The following IMPG1 variants were observed in gnomAD, a reference collection of about 807,000 sequenced individuals.
IMPG1 encodes interphotoreceptor matrix proteoglycan of 150 kDa.
A neutral mutation model predicts 92.0 loss-of-function variants in IMPG1; 85 were observed. The observed-to-expected ratio is 0.92, with a 90% CI of 0.78 to 1.11. The LOEUF (loss-of-function observed/expected upper bound fraction) is 1.11, where lower values mean the gene tolerates loss of function less well. IMPG1 is among the 50% of genes least tolerant of loss of function. The pLI is 0.00. For missense variants in IMPG1, 1,022 were observed against 956.0 expected, an observed-to-expected ratio of 1.07 and a Z score of -0.91; for synonymous variants, 367 against 334.1, an observed-to-expected ratio of 1.10 and a Z score of -1.08.
At chr6:76,016,479 G>C (rs537118258) in intron 7 of IMPG1, among the ~76,000 whole-genome samples, 1 of 152,354 alleles carries the variant, frequency 6.6e-6, no homozygotes, top group Admixed American at 6.5e-5. Flanking sequence ...CCATGTCTGA[G>C]TAGTTTTCTG....
intron 15 of IMPG1, among the ~76,000 whole-genome samples, chr6:75,928,025 A>ACTCTTTCTTT (rs1562336525): frequency 6.6e-6 from 1 of 152,126 alleles, no homozygotes. Context: ...CTCACTAAAG[A>ACTCTTTCTTT]AAGAGAAATG....
intron 12 of IMPG1, among the ~76,000 whole-genome samples, chr6:75,996,830 TGAATG>T (rs1459995419): frequency 6.6e-6 from 1 of 152,210 alleles, no homozygotes; most frequent in Admixed American, 6.5e-5. Flanking sequence ...ATATCATCTC[TGAATG>T]GTGATGAGGA....
intron 12 of IMPG1, among the ~76,000 whole-genome samples, chr6:75,979,072 C>A (rs1782585024): frequency 6.6e-6 from 1 of 152,046 alleles, no homozygotes; most frequent in African/African-American, 2.4e-5. Flanking sequence ...GCCACCATAC[C>A]TACCTATTTT....
chr6:75,945,980 C>A (rs1328442549), intron 14 of IMPG1, among the ~76,000 whole-genome samples: 1 of 152,174 alleles, frequency 6.6e-6, no homozygotes, highest in Non-Finnish European at 1.5e-5. Context: ...GGAAGGAAGA[C>A]AGGGGATTGT....
intron 1 of IMPG1, among the ~76,000 whole-genome samples, chr6:76,050,817 A>G (rs1784027943): frequency 6.6e-6 from 1 of 152,208 alleles, no homozygotes; most frequent in Non-Finnish European, 1.5e-5. Context: ...TTAACCTTGT[A>G]GGCATACAGA....
intron 12 of IMPG1, among the ~76,000 whole-genome samples, chr6:75,990,659 G>A (rs967768268): frequency 1.3e-5 from 2 of 151,404 alleles, no homozygotes; most frequent in Non-Finnish European, 2.9e-5. Context: ...CATATTTAAG[G>A]TCAGATGGAT....
At chr6:76,056,368 A>G (rs1452105483) in intron 1 of IMPG1, among the ~76,000 whole-genome samples, 1 of 152,174 alleles carries the variant, frequency 6.6e-6, no homozygotes, top group Non-Finnish European at 1.5e-5. Context: ...CTTCTTTACA[A>G]GAAGAAAACA....
chr6:76,043,526 G>A (rs1042074285), intron 1 of IMPG1, among the ~76,000 whole-genome samples: 1 of 152,100 alleles, frequency 6.6e-6, no homozygotes, highest in Non-Finnish European at 1.5e-5. Flanking sequence ...GAATCTCCAG[G>A]AAGGGAGGAA....
chr6:75,974,715 C>T (rs1277540930), intron 12 of IMPG1, among the ~76,000 whole-genome samples: 3 of 151,952 alleles, frequency 2.0e-5, no homozygotes, highest in African/African-American at 4.8e-5. Flanking sequence ...GGGGTTTCAC[C>T]ATGTTGGCCA....
chr6:76,049,041 C>G (rs1217327700), intron 1 of IMPG1, among the ~76,000 whole-genome samples: 1 of 152,172 alleles, frequency 6.6e-6, no homozygotes, highest in African/African-American at 2.4e-5. Flanking sequence ...AATTCATGTC[C>G]TTTGCAGGGA....
At chr6:76,023,946 T>G (rs1191321811) in intron 5 of IMPG1, among the ~76,000 whole-genome samples, 2 of 152,164 alleles carry the variant, frequency 1.3e-5, no homozygotes, top group Non-Finnish European at 2.9e-5. Context: ...AAAACGTCTT[T>G]TTACATGTTT....
chr6:75,924,486 AATATAATATAATT>A (rs1251549128), intron 15 of IMPG1, among the ~76,000 whole-genome samples: 1 of 92,496 alleles, frequency 1.1e-5, no homozygotes, highest in Non-Finnish European at 2.0e-5. Context: ...TATATATTAT[AATATAATATAATT>A]ATATAATATA....
intron 12 of IMPG1, among the ~76,000 whole-genome samples, chr6:75,969,731 A>AAAACAAACAAAC (rs56113426): frequency 5.3e-5 from 8 of 151,770 alleles, no homozygotes; most frequent in African/African-American, 1.9e-4. Flanking sequence ...TCCATCTCAA[A>AAAACAAACAAAC]AAACAAACAA....
chr6:75,983,702 G>A (rs1485508450), intron 12 of IMPG1, among the ~76,000 whole-genome samples: 2 of 152,070 alleles, frequency 1.3e-5, no homozygotes, highest in African/African-American at 4.8e-5. Context: ...AAAAGCACAG[G>A]CAGCAAAAGT....
Position 76,060,784 on chromosome 6 carries a change from G to A in IMPG1, c.67+11638C>T, listed in dbSNP as rs3822994. On this transcript the variant is annotated intron_variant, in intron 1 of 16. Coordinates refer to ENST00000369950, the MANE Select transcript of IMPG1 (RefSeq NM_001563.4). Reference sequence around the variant, plus strand: ...AGAGGTCTTTTCTACCCTTAAGCAAGAAGGGGCGGTGTGGATGGAGACCTC... The same window carrying A: ...AGAGGTCTTTTCTACCCTTAAGCAAAAAGGGGCGGTGTGGATGGAGACCTC... Among the ~76,000 whole-genome samples, 948 of 152,240 alleles carry A rather than the reference G, an allele frequency of 6.2e-3. 32 individuals carry two copies. In the East Asian group the frequency reaches 0.07, roughly 11 times the overall value.
chr6:76,013,776 G>A (rs1346424881), intron 7 of IMPG1, among the ~76,000 whole-genome samples: 1 of 152,152 alleles, frequency 6.6e-6, no homozygotes, highest in Admixed American at 6.5e-5. Context: ...ATTCCACTGT[G>A]TTGTCACCAC....
At chr6:75,940,578 G>T (rs1562340959) in intron 14 of IMPG1, among the ~76,000 whole-genome samples, 1 of 152,104 alleles carries the variant, frequency 6.6e-6, no homozygotes. Flanking sequence ...AACGTTTTGA[G>T]CTTTCCAAAA....
intron 12 of IMPG1, among the ~76,000 whole-genome samples, chr6:75,956,390 GT>G (rs1343923099): frequency 6.6e-6 from 1 of 152,176 alleles, no homozygotes; most frequent in African/African-American, 2.4e-5. Context: ...GCGTAGAGGT[GT>G]TTATAGTATG....
chr6:76,068,759 C>T (rs540327638), intron 1 of IMPG1, among the ~76,000 whole-genome samples: 36 of 151,856 alleles, frequency 2.4e-4, no homozygotes, highest in Admixed American at 1.8e-3. Flanking sequence ...TCAAGAGATC[C>T]GCCCACCTCA....
Sources: allele counts gnomAD v4.1 joint callset (sites outside exome capture counted in the v4.1 genomes callset), GRCh38; gene constraint gnomAD v4.1.1; transcripts MANE v1.5; gene names NCBI Gene and HGNC (gene_info 2026-07-23, HGNC 2026-07-21).